The following S100PBP variants were observed in gnomAD, a reference collection of about 807,000 sequenced individuals.
The protein encoded by S100PBP is S100P binding protein, also known as S100P-binding protein.
Under a neutral mutation model 39.9 loss-of-function variants are expected in S100PBP, and 15 were observed. The observed-to-expected ratio is 0.38, with a 90% confidence interval of 0.25 to 0.58. The LOEUF (loss-of-function observed/expected upper bound fraction) is 0.58. Ranked by LOEUF, S100PBP falls within the 20% of genes least tolerant of loss-of-function variation. The pLI is 0.70. For synonymous variants in S100PBP, 178 were observed against 180.3 expected (o/e 0.99, Z 0.10); for missense variants, 504 against 487.3 (o/e 1.03, Z -0.32).
At chr1:32,817,392 C>G, upstream of S100PBP, 2 of 976,412 alleles carry the variant, frequency 2.0e-6, no homozygotes, top group Non-Finnish European at 3.1e-6. Context: ...GCCTGGACCC[C>G]TCCGGCAGCG....
In S100PBP at chr1:32,828,006, A is replaced by G. The variant is rs1195769075; in HGVS notation, c.845A>G (p.Asn282Ser). 1 of 1,611,010 alleles carries G rather than the reference A, an allele frequency of 6.2e-7. No homozygotes were observed. The highest frequency in any genetic ancestry group is 8.5e-7 in the Non-Finnish European group (1 of 1,177,764). Residue 282 changes from asparagine to serine, a missense_variant, in exon 4 of 7, where the codon AAC becomes AGC. By Grantham distance (46) the Asn-to-Ser change is conservative. Transcript: ENST00000373475. The part of the protein sequence containing the change: ...STSSNKQDVL[N>S]KDSGKMKGHE... ...TCCTCAAAAAAGCAGGATGTTCTTAACAAGGATTCTGGGAAGATGAAAGGC... is the reference window on the plus strand; with the variant it reads ...TCCTCAAAAAAGCAGGATGTTCTTAGCAAGGATTCTGGGAAGATGAAAGGC...
At chr1:32,849,368 C>T (rs982591559) in intron 5 of S100PBP, among the ~76,000 whole-genome samples, 5 of 152,164 alleles carry the variant, frequency 3.3e-5, no homozygotes, top group African/African-American at 1.2e-4. Context: ...AACTCCTGGG[C>T]TCAAGCCATC....
At chr1:32,819,387 G>A (rs1250741943) in intron 1 of S100PBP, among the ~76,000 whole-genome samples, 1 of 152,058 alleles carries the variant, frequency 6.6e-6, no homozygotes, top group African/African-American at 2.4e-5. Context: ...GGCCAACATA[G>A]CAAAACCCCA....
chr1:32,826,149 T>C lies in S100PBP; in HGVS notation c.50T>C (p.Leu17Ser). The change falls in exon 3 of 7, where the codon TTG (leucine) becomes TCG (serine). Residue 17 changes from leucine to serine, a missense_variant. By Grantham distance (145) the Leu-to-Ser change is moderately radical. Coordinates refer to ENST00000373475, the MANE Select transcript of S100PBP (RefSeq NM_022753.4). ...GAACAGTCTTCTGGTACCTCTCTCT[T>C]GCCTAAAGACGGTGCCCCATTTTCT... is the stretch of plus-strand genomic sequence containing the variant. The part of the protein sequence containing the change: ...PSEQSSGTSL[L>S]PKDGAPFSWD... 6.2e-7 allele frequency: 1 copy of C among 1,614,092 alleles called. No individual in the cohort carries two copies. Among genetic ancestry groups the C allele is most frequent in the East Asian group, 2.2e-5 (1 of 44,888 alleles).
At chr1:32,831,772 C>T (rs1639611063) in intron 5 of S100PBP, among the ~76,000 whole-genome samples, 1 of 152,126 alleles carries the variant, frequency 6.6e-6, no homozygotes, top group Non-Finnish European at 1.5e-5. Flanking sequence ...CTCTGTGGAA[C>T]AGGCCTAGTC....
At chr1:32,825,844 G>C (rs1639297382) in intron 2 of S100PBP, among the ~76,000 whole-genome samples, 1 of 152,148 alleles carries the variant, frequency 6.6e-6, no homozygotes, top group Admixed American at 6.6e-5. Context: ...GTGAATGCTC[G>C]TTTCTCCACA....
intron 5 of S100PBP, among the ~76,000 whole-genome samples, chr1:32,843,423 T>C (rs1421061260): frequency 6.6e-6 from 1 of 151,932 alleles, no homozygotes; most frequent in Non-Finnish European, 1.5e-5. Flanking sequence ...GCCTCCTGAG[T>C]AGCTGGGACT....
chr1:32,841,923 G>A (rs978012766), intron 5 of S100PBP, among the ~76,000 whole-genome samples: 1 of 150,552 alleles, frequency 6.6e-6, no homozygotes, highest in Non-Finnish European at 1.5e-5. Context: ...ATGGATTAAA[G>A]CCTGTAATCC....
chr1:32,826,716 C>T lies in S100PBP; in HGVS notation c.617C>T (p.Ala206Val). The T allele has an allele frequency of 6.2e-7, 1 of 1,614,082 alleles. No homozygotes were observed. The highest frequency in any genetic ancestry group is 8.5e-7 in the Non-Finnish European group (1 of 1,180,000). Reference sequence around the variant, plus strand: ...GAAGGGATCAGCCCCAATAACTCTGCCTGGAATGGGCCCCAGCTCTCTTCT... The same window carrying T: ...GAAGGGATCAGCCCCAATAACTCTGTCTGGAATGGGCCCCAGCTCTCTTCT... ...ESEGISPNNS[A>V]WNGPQLSSSN... is the part of the protein sequence containing the mutation. The change falls in exon 3 of 7, where the codon GCC becomes GTC. Residue 206 changes from alanine to valine, a missense_variant. By Grantham distance (64) the Ala-to-Val change is moderately conservative. Coordinates refer to ENST00000373475, the MANE Select transcript of S100PBP (RefSeq NM_022753.4).
rs866522117 is a variant in S100PBP at position 32,825,586 on chromosome 1, A to G, written c.-3+157A>G. The G allele has an allele frequency of 3.9e-5, 6 of 153,336 alleles. No homozygotes were observed. The South Asian group carries it at 6.2e-4, about 16-fold the overall frequency. 9.5% of individuals were successfully genotyped at this position (153,336 alleles called of 1,614,324 possible). A position where few individuals can be genotyped will look rare whatever the true frequency, so the allele number is the denominator to read the frequency against. On this transcript the variant is annotated intron_variant, in intron 2 of 6. Coordinates refer to ENST00000373475, the MANE Select transcript of S100PBP (RefSeq NM_022753.4). ...TGTATGTTGTAGATATCATTCCATG[A>G]TAGTACATACAGATCTACTTCATTG...
intron 5 of S100PBP, among the ~76,000 whole-genome samples, chr1:32,833,127 A>G (rs940613061): frequency 2.6e-5 from 4 of 152,180 alleles, no homozygotes; most frequent in Non-Finnish European, 5.9e-5. Context: ...CTCCTAACAC[A>G]TAAGTCTGTT....
At chr1:32,849,601 TA>T (rs1026673840) in intron 5 of S100PBP, among the ~76,000 whole-genome samples, 1 of 152,218 alleles carries the variant, frequency 6.6e-6, no homozygotes, top group Non-Finnish European at 1.5e-5. Context: ...TAATAAGAGT[TA>T]GGCTAGTCTA....
chr1:32,843,519 C>T (rs1051430369), intron 5 of S100PBP, among the ~76,000 whole-genome samples: 1 of 151,872 alleles, frequency 6.6e-6, no homozygotes, highest in Non-Finnish European at 1.5e-5. Flanking sequence ...TGCGATGGCA[C>T]AATCTCGGCT....
At chr1:32,841,178 A>T (rs1640078607) in intron 5 of S100PBP, among the ~76,000 whole-genome samples, 1 of 151,736 alleles carries the variant, frequency 6.6e-6, no homozygotes, top group African/African-American at 2.4e-5. Flanking sequence ...AAAAAAATAA[A>T]AAAAATTGGA....
rs763526853 is a variant in S100PBP, at chr1:32,828,156, C to G, written c.920+75C>G. ...TTTCTTTCTTCCCCTCTCCAGTTTC[C>G]TCTTAGTGCAGGGAAAAAAATCCCT... On this transcript the variant is annotated intron_variant, in intron 4 of 6. Transcript: ENST00000373475. 3 of 983,234 alleles carry G rather than the reference C, an allele frequency of 3.1e-6. No homozygotes were observed. In the Admixed American group the frequency reaches 6.5e-5, roughly 21 times the overall value. The allele number at this position is 983,234 out of a possible 1,614,324, so 60.9% of individuals were successfully genotyped here. A position where few individuals can be genotyped will look rare whatever the true frequency, so the allele number is the denominator to read the frequency against.
At chr1:32,827,051 T>C (rs760015401) in intron 3 of S100PBP, 121 bp downstream of exon 3, 2 of 653,360 alleles carry the variant, frequency 3.1e-6, no homozygotes, top group Non-Finnish European at 5.2e-6. Context: ...GTGGGCATCC[T>C]ACACCACAGT....
Position 32,828,351 on chromosome 1 carries a change from T to A in S100PBP, c.920+270T>A, listed in dbSNP as rs117601967. Among the ~76,000 whole-genome samples, 12 of 152,192 alleles carry A rather than the reference T, an allele frequency of 7.9e-5. No homozygotes were observed. The East Asian group carries it at 2.3e-3, about 29-fold the overall frequency. On this transcript the variant is annotated intron_variant, in intron 4 of 6. Transcript: ENST00000373475. The stretch of plus-strand genomic sequence containing the variant: ...AAAATAGACATATTAGCGAAAACAC[T>A]ACAAAGGTAAGATATCTTCTCCTGT...
Position 32,833,641 on chromosome 1 carries a change from C to A in S100PBP, c.1024+3574C>A, listed in dbSNP as rs547220995. Reference sequence around the variant, plus strand: ...CCTCCCAAAGTGCTGGGATTACAGGCGTGAGACAGCACCCAGCCCATTTTT... The same window carrying A: ...CCTCCCAAAGTGCTGGGATTACAGGAGTGAGACAGCACCCAGCCCATTTTT... On this transcript the variant is annotated intron_variant, in intron 5 of 6. Coordinates refer to ENST00000373475, the MANE Select transcript of S100PBP (RefSeq NM_022753.4). Among the ~76,000 whole-genome samples, 6 of 152,074 alleles carry A rather than the reference C, an allele frequency of 3.9e-5. No homozygotes were observed. The East Asian group carries it at 1.2e-3, about 29-fold the overall frequency.
In S100PBP at chr1:32,847,316, A is replaced by G. The variant is rs929455244; in HGVS notation, c.1025-5763A>G. The G allele has an allele frequency of 2.0e-5, 3 of 152,250 alleles. No individual in the cohort carries two copies. In the South Asian group the frequency reaches 6.2e-4, roughly 32 times the overall value. 9.4% of individuals were successfully genotyped at this position (152,250 alleles called of 1,614,324 possible). ...TGTTTATTTTGCCTTCATTTAAAAAACTTTTTATTTTGAAAAATTATAGAC... is the reference window on the plus strand; with the variant it reads ...TGTTTATTTTGCCTTCATTTAAAAAGCTTTTTATTTTGAAAAATTATAGAC... On this transcript the variant is annotated intron_variant, in intron 5 of 6. Coordinates refer to ENST00000373475, the MANE Select transcript of S100PBP (RefSeq NM_022753.4).
Sources: gnomAD v4.1 joint callset for allele counts (sites outside exome capture counted in the v4.1 genomes callset) on GRCh38, gnomAD v4.1.1 for gene constraint, MANE v1.5 for transcripts, NCBI Gene and HGNC (gene_info 2026-07-23, HGNC 2026-07-21) for gene names.